CNBD1: variants seen among roughly 807,000 people sequenced by gnomAD.
CNBD1 encodes the protein cyclic nucleotide binding domain containing 1, also known as cyclic nucleotide-binding domain-containing protein 1.
A neutral mutation model predicts 54.4 loss-of-function variants in CNBD1; 71 were observed. The observed-to-expected ratio is 1.30, with a 90% CI of 1.08 to 1.59. CNBD1 has a LOEUF of 1.59. Among genes scored for constraint, CNBD1 ranks in the 40% most tolerant of loss-of-function variants. The pLI, the probability that CNBD1 is intolerant of heterozygous loss-of-function variation, is 0.00. For synonymous variants in CNBD1, 182 were observed against 170.7 expected, an observed-to-expected ratio of 1.07 and a Z score of -0.51; for missense variants, 659 against 518.0, an observed-to-expected ratio of 1.27 and a Z score of -2.64.
At chr8:87,255,710 G>A (rs1037896212) in intron 6 of CNBD1, among the ~76,000 whole-genome samples, 5 of 151,582 alleles carry the variant, frequency 3.3e-5, no homozygotes, top group African/African-American at 1.2e-4. Context: ...GAGCCAAACT[G>A]CCTAACTTCC....
chr8:87,164,201 AT>A (rs1455690305), intron 4 of CNBD1, among the ~76,000 whole-genome samples: 2 of 151,770 alleles, frequency 1.3e-5, no homozygotes, highest in African/African-American at 4.8e-5. Flanking sequence ...GTTTGCTGAT[AT>A]TTCATTGAGT....
chr8:86,882,298 G>C (rs1237066719), intron 1 of CNBD1, among the ~76,000 whole-genome samples: 1 of 152,076 alleles, frequency 6.6e-6, no homozygotes, highest in African/African-American at 2.4e-5. Flanking sequence ...CTAATATCTA[G>C]CATCTATAAG....
At chr8:87,172,289 A>G (rs1269771182) in intron 4 of CNBD1, among the ~76,000 whole-genome samples, 3 of 152,154 alleles carry the variant, frequency 2.0e-5, no homozygotes, top group Non-Finnish European at 2.9e-5. Context: ...TGTGACCTAC[A>G]TATGGTCACA....
In CNBD1 at chr8:87,189,672, A is replaced by G. The variant is rs115907641; in HGVS notation, c.432-16321A>G. ...ATTTTCAATGGTGTATAGGAATAGC[A>G]GAGAGAACCAAAAGCGTGCTGTGCC... On this transcript the variant is annotated intron_variant, in intron 4 of 10. Coordinates refer to ENST00000518476, the MANE Select transcript of CNBD1 (RefSeq NM_173538.3). 8.5e-3 allele frequency among the ~76,000 whole-genome samples: 1,293 copies of G among 152,308 alleles called. 28 individuals carry two copies. Among genetic ancestry groups the G allele is most frequent in the African/African-American group, 0.024 (1,013 of 41,564 alleles).
chr8:87,228,517 G>A (rs1398024810), intron 5 of CNBD1, among the ~76,000 whole-genome samples: 18 of 149,890 alleles, frequency 1.2e-4, no homozygotes, highest in Admixed American at 2.6e-4. Context: ...GTGTCAGTGT[G>A]CCCCTGCTGG....
Position 87,375,820 on chromosome 8 carries a change from G to A in CNBD1, c.1304-6800G>A, listed in dbSNP as rs142104519. ...CTTTTGCAAAGGTACACTGAATTCCGTCACTAAATACTTTCCTAATATGCT... is the reference window on the plus strand; with the variant it reads ...CTTTTGCAAAGGTACACTGAATTCCATCACTAAATACTTTCCTAATATGCT... On this transcript the variant is annotated intron_variant, in intron 10 of 10. Transcript: ENST00000518476. Among the ~76,000 whole-genome samples, 457 of 151,880 alleles carry A rather than the reference G, an allele frequency of 3.0e-3. 5 individuals are homozygous for A. Among genetic ancestry groups the A allele is most frequent in the African/African-American group, 9.9e-3 (410 of 41,474 alleles).
chr8:86,929,833 G>A lies in CNBD1; in HGVS notation c.273-9763G>A, dbSNP rs77419686. 5.2e-3 allele frequency among the ~76,000 whole-genome samples: 796 copies of A among 152,194 alleles called. 9 individuals carry two copies. The highest frequency in any genetic ancestry group is 0.018 in the African/African-American group (736 of 41,526). On this transcript the variant is annotated intron_variant, in intron 3 of 10. Coordinates refer to ENST00000518476, the MANE Select transcript of CNBD1 (RefSeq NM_173538.3). The stretch of plus-strand genomic sequence containing the variant: ...AAGATGGCCATTCCTGCAACTATCC[G>A]TAAACAGTGAGGCCAGCCGTTTGCT...
chr8:87,335,901 TG>T (rs1809936869), intron 8 of CNBD1, among the ~76,000 whole-genome samples: 2 of 152,200 alleles, frequency 1.3e-5, no homozygotes, highest in Admixed American at 1.3e-4. Flanking sequence ...GCAGGCCTGG[TG>T]GTGATGAATT....
At chr8:86,994,416 G>T (rs1220462424) in intron 4 of CNBD1, among the ~76,000 whole-genome samples, 1 of 152,178 alleles carries the variant, frequency 6.6e-6, no homozygotes, top group Non-Finnish European at 1.5e-5. Flanking sequence ...CTGTCTCCTG[G>T]CCAGGTGGAC....
chr8:87,324,246 A>T (rs914906297), intron 8 of CNBD1, among the ~76,000 whole-genome samples: 1 of 126,434 alleles, frequency 7.9e-6, no homozygotes, highest in Non-Finnish European at 1.8e-5. Context: ...TTCATCAAGG[A>T]TATTGATCTA....
chr8:87,383,127 A>G (rs1811115298), downstream of CNBD1, among the ~76,000 whole-genome samples: 1 of 151,928 alleles, frequency 6.6e-6, no homozygotes. Context: ...AACTTCAAAG[A>G]CCTTGTGCTT....
chr8:87,357,333 G>A (rs1044375937), intron 10 of CNBD1, among the ~76,000 whole-genome samples: 1 of 152,160 alleles, frequency 6.6e-6, no homozygotes, highest in Non-Finnish European at 1.5e-5. Flanking sequence ...GCCTGGAAAA[G>A]CTACAGGCGT....
intron 1 of CNBD1, among the ~76,000 whole-genome samples, chr8:86,876,484 G>C (rs1159924209): frequency 6.6e-6 from 1 of 151,366 alleles, no homozygotes; most frequent in Admixed American, 6.6e-5. Flanking sequence ...TATGCCTGTG[G>C]TTTACTTTTT....
At chr8:87,146,312 C>T (rs559594208) in intron 4 of CNBD1, among the ~76,000 whole-genome samples, 154 of 152,188 alleles carry the variant, frequency 1.0e-3, no homozygotes, top group Non-Finnish European at 1.8e-3. Flanking sequence ...ATTATCTATA[C>T]TAGAACTGGT....
chr8:87,261,284 G>C (rs1808135636), intron 6 of CNBD1, among the ~76,000 whole-genome samples: 1 of 152,082 alleles, frequency 6.6e-6, no homozygotes, highest in Non-Finnish European at 1.5e-5. Context: ...GCTGCTCTGA[G>C]AGATCAATGG....
At chr8:87,343,484 G>A (rs544398111) in intron 8 of CNBD1, among the ~76,000 whole-genome samples, 1 of 152,180 alleles carries the variant, frequency 6.6e-6, no homozygotes, top group African/African-American at 2.4e-5. Context: ...CATGGCTTCA[G>A]CCGGTCCCTC....
At chr8:87,276,831 T>G (rs7832918) in intron 6 of CNBD1, among the ~76,000 whole-genome samples, 1 of 151,272 alleles carries the variant, frequency 6.6e-6, no homozygotes. Context: ...TAAGGATAAA[T>G]AAATGAGCAG....
At chr8:87,341,291 G>A (rs528112123) in intron 8 of CNBD1, among the ~76,000 whole-genome samples, 2 of 151,904 alleles carry the variant, frequency 1.3e-5, no homozygotes, top group Non-Finnish European at 2.9e-5. Flanking sequence ...GAGTATGCTG[G>A]GTCTCATCAG....
intron 6 of CNBD1, among the ~76,000 whole-genome samples, chr8:87,283,532 T>G (rs1488077420): frequency 1.3e-5 from 2 of 152,112 alleles, no homozygotes; most frequent in Non-Finnish European, 2.9e-5. Context: ...CCAGGCTTTT[T>G]ATTGATTTTT....
Sources: gnomAD v4.1 joint callset for allele counts (sites outside exome capture counted in the v4.1 genomes callset) on GRCh38, gnomAD v4.1.1 for gene constraint, MANE v1.5 for transcripts, NCBI Gene and HGNC (gene_info 2026-07-23, HGNC 2026-07-21) for gene names.